AKAP6: variants seen among roughly 807,000 people sequenced by gnomAD.
AKAP6 encodes A-kinase anchor protein 6.
Under a neutral mutation model 188.5 loss-of-function variants are expected in AKAP6, and 58 were observed. The observed-to-expected ratio is 0.31, with a 90% CI of 0.25 to 0.38. The LOEUF is 0.38. Ranked by LOEUF, AKAP6 falls within the 10% of genes least tolerant of loss-of-function variation. The pLI is 1.00. For synonymous variants in AKAP6, 989 were observed against 998.6 expected, an observed-to-expected ratio of 0.99 and a Z score of 0.18; for missense variants, 2,710 against 2,740.0, an observed-to-expected ratio of 0.99 and a Z score of 0.24.
chr14:32,782,035 C>T (rs983001959), intron 12 of AKAP6, among the ~76,000 whole-genome samples: 4 of 151,758 alleles, frequency 2.6e-5, no homozygotes, highest in East Asian at 1.9e-4. Flanking sequence ...CATGGTGGTG[C>T]GCGCCTGTAA....
At chr14:32,543,964 T>C (rs959302505) in intron 3 of AKAP6, among the ~76,000 whole-genome samples, 1 of 152,192 alleles carries the variant, frequency 6.6e-6, no homozygotes, top group Non-Finnish European at 1.5e-5. Context: ...TTTTTGTCTG[T>C]TTATCTAGAT....
chr14:32,602,529 G>A (rs1232235204), intron 7 of AKAP6, among the ~76,000 whole-genome samples: 1 of 152,060 alleles, frequency 6.6e-6, no homozygotes, highest in Non-Finnish European at 1.5e-5. Flanking sequence ...TTTTAGCTGG[G>A]TATGGTGACA....
At chr14:32,465,270 C>T (rs535662358) in intron 2 of AKAP6, among the ~76,000 whole-genome samples, 13 of 152,170 alleles carry the variant, frequency 8.5e-5, no homozygotes, top group Middle Eastern at 3.4e-3. Context: ...AAAAAGAGCC[C>T]GCACAGCCAA....
In AKAP6 at chr14:32,830,401, A is replaced by C. The variant is rs2034798176; in HGVS notation, c.*596A>C. On this transcript the variant is annotated 3_prime_UTR_variant, in exon 14 of 14. Coordinates refer to ENST00000280979, the MANE Select transcript of AKAP6 (RefSeq NM_004274.5). ...CGCCATTTTATTTATTTCATTTAAA[A>C]AATAATCTATGCAGCATTTCAAGAA... 1 of 155,622 alleles carries C rather than the reference A, an allele frequency of 6.4e-6. No homozygotes were observed. Among genetic ancestry groups the C allele is most frequent in the Admixed American group, 6.4e-5 (1 of 15,530 alleles). 9.6% of individuals were successfully genotyped at this position (155,622 alleles called of 1,614,324 possible).
At chr14:32,704,356 G>T (rs1046527720) in intron 9 of AKAP6, among the ~76,000 whole-genome samples, 2 of 152,110 alleles carry the variant, frequency 1.3e-5, no homozygotes, top group African/African-American at 4.8e-5. Context: ...TAAGCTGATA[G>T]CTTTTGCTTT....
chr14:32,740,346 TC>T (rs1326232332), intron 11 of AKAP6, among the ~76,000 whole-genome samples: 1 of 152,060 alleles, frequency 6.6e-6, no homozygotes, highest in Non-Finnish European at 1.5e-5. Context: ...TCTTGTTATT[TC>T]CTTTGCTATG....
intron 7 of AKAP6, among the ~76,000 whole-genome samples, chr14:32,601,246 A>G (rs1885917695): frequency 6.6e-6 from 1 of 152,198 alleles, no homozygotes; most frequent in Non-Finnish European, 1.5e-5. Flanking sequence ...CATTCCTGTT[A>G]ATGACTATCA....
chr14:32,769,444 A>G (rs998974643), intron 11 of AKAP6, among the ~76,000 whole-genome samples: 1 of 151,998 alleles, frequency 6.6e-6, no homozygotes, highest in Non-Finnish European at 1.5e-5. Context: ...TCATATATGC[A>G]GATTATACCT....
At chr14:32,373,139 T>C (rs536006276) in intron 1 of AKAP6, among the ~76,000 whole-genome samples, 1 of 152,156 alleles carries the variant, frequency 6.6e-6, no homozygotes, top group South Asian at 2.1e-4. Context: ...GGGATTCACC[T>C]TGCCTGCTGC....
At chr14:32,628,919 G>A (rs953187633) in intron 7 of AKAP6, among the ~76,000 whole-genome samples, 1 of 151,982 alleles carries the variant, frequency 6.6e-6, no homozygotes, top group African/African-American at 2.4e-5. Context: ...GAAAGTTAAT[G>A]CCAGAACTTT....
At chr14:32,556,174 T>C (rs1427530061) in intron 4 of AKAP6, among the ~76,000 whole-genome samples, 1 of 152,172 alleles carries the variant, frequency 6.6e-6, no homozygotes, top group African/African-American at 2.4e-5. Context: ...TGATAGATCA[T>C]TGTGGTTTTG....
At chr14:32,335,141 A>C (rs1397771138) in intron 1 of AKAP6, among the ~76,000 whole-genome samples, 2 of 152,096 alleles carry the variant, frequency 1.3e-5, no homozygotes, top group Non-Finnish European at 2.9e-5. Context: ...ATGGGGTCTC[A>C]AACTGGCTAA....
At chr14:32,528,706 C>G (rs1479830976) in intron 2 of AKAP6, among the ~76,000 whole-genome samples, 1 of 152,110 alleles carries the variant, frequency 6.6e-6, no homozygotes, top group East Asian at 1.9e-4. Context: ...TAGACAGAGT[C>G]TAGCTCTGTC....
At chr14:32,799,975 C>T (rs904182301) in intron 12 of AKAP6, among the ~76,000 whole-genome samples, 4 of 150,084 alleles carry the variant, frequency 2.7e-5, no homozygotes, top group South Asian at 2.1e-4. Context: ...TTTGGGAGGC[C>T]GAGGTGGGCG....
At chr14:32,450,966 A>G (rs1158205089) in intron 2 of AKAP6, among the ~76,000 whole-genome samples, 1 of 152,208 alleles carries the variant, frequency 6.6e-6, no homozygotes, top group African/African-American at 2.4e-5. Flanking sequence ...GAAAATAACA[A>G]AACGAGGAAA....
In AKAP6 at chr14:32,834,751, C is replaced by CTCTT. The variant is rs891361688; in HGVS notation, c.*4948_*4951dup. 7.9e-5 allele frequency: 12 copies of CTCTT among 152,012 alleles called. No homozygotes were observed. The highest frequency in any genetic ancestry group is 2.9e-4 in the African/African-American group (12 of 41,392). 9.4% of individuals were successfully genotyped at this position (152,012 alleles called of 1,614,324 possible). ...ATAGGTGACTTTGCATTCACAGCCA[C>CTCTT]TCTTTAATGAAGATTGATTGAATAA... On this transcript the variant is annotated 3_prime_UTR_variant, in exon 14 of 14. Coordinates refer to ENST00000280979, the MANE Select transcript of AKAP6 (RefSeq NM_004274.5).
At chr14:32,791,975 T>C (rs1423956798) in intron 12 of AKAP6, among the ~76,000 whole-genome samples, 1 of 152,186 alleles carries the variant, frequency 6.6e-6, no homozygotes, top group Non-Finnish European at 1.5e-5. Context: ...TTTCTATTGG[T>C]CTATATCTCT....
intron 1 of AKAP6, among the ~76,000 whole-genome samples, chr14:32,384,804 C>T (rs1441276011): frequency 1.3e-5 from 2 of 151,822 alleles, no homozygotes; most frequent in African/African-American, 2.4e-5. Flanking sequence ...GTGAAGTGTA[C>T]GTAAATTCTG....
At chr14:32,640,452 C>A (rs1054881671) in intron 7 of AKAP6, among the ~76,000 whole-genome samples, 1 of 152,082 alleles carries the variant, frequency 6.6e-6, no homozygotes, top group Non-Finnish European at 1.5e-5. Context: ...CCATGATCTG[C>A]CAATTTTCTT....
Sources: gnomAD v4.1 joint callset for allele counts (sites outside exome capture counted in the v4.1 genomes callset) on GRCh38, gnomAD v4.1.1 for gene constraint, MANE v1.5 for transcripts, NCBI Gene and HGNC (gene_info 2026-07-23, HGNC 2026-07-21) for gene names.